The following CUX2 variants were observed in gnomAD, a reference collection of about 807,000 sequenced individuals.
CUX2 encodes cut like homeobox 2.
Under a neutral mutation model 144.8 loss-of-function variants are expected in CUX2, and 40 were observed. The ratio of observed to expected loss-of-function variants is 0.28; its 90% confidence interval spans 0.21 to 0.36. The LOEUF (loss-of-function observed/expected upper bound fraction) is 0.36, where lower values mean the gene tolerates loss of function less well. CUX2 is among the 10% of genes least tolerant of loss of function. The probability of loss-of-function intolerance (pLI) is 1.00; values close to 1 mark genes in which losing one functional copy is unlikely to be tolerated. For missense variants in CUX2, 1,615 were observed against 1,994.0 expected (o/e 0.81, Z 3.62); for synonymous variants, 827 against 875.6 (o/e 0.94, Z 0.98).
At position 111,074,365 on chromosome 12, in the gene CUX2, C is replaced by G. The variant is rs993498659; in HGVS notation, c.63+40125C>G. ...TCCCCAGGTGATTCAGAGCCAAAGACGTAGGGTAAACACCTGAGTAGAGTA... is the reference window on the plus strand; with the variant it reads ...TCCCCAGGTGATTCAGAGCCAAAGAGGTAGGGTAAACACCTGAGTAGAGTA... On this transcript the variant is annotated intron_variant, in intron 1 of 21. Transcript: ENST00000261726. 3.9e-5 allele frequency among the ~76,000 whole-genome samples: 6 copies of G among 152,168 alleles called. No individual in the cohort carries two copies. In the South Asian group the frequency reaches 1.0e-3, roughly 26 times the overall value.
chr12:111,319,167 A>G (rs1382957316), intron 16 of CUX2, among the ~76,000 whole-genome samples: 1 of 151,796 alleles, frequency 6.6e-6, no homozygotes, highest in African/African-American at 2.4e-5. Flanking sequence ...TACAAAAATT[A>G]GCTGAGCATG....
At chr12:111,342,090 G>A (rs1219970962) in intron 21 of CUX2, 37 bp downstream of exon 21, 14 of 1,575,136 alleles carry the variant, frequency 8.9e-6, no homozygotes, top group African/African-American at 1.3e-5. Context: ...GCGGGTGGCA[G>A]AATCCAGGTG....
chr12:111,103,103 G>GGTGAAGCTTTTTCTATT (rs769330966), intron 1 of CUX2, among the ~76,000 whole-genome samples: 1 of 152,156 alleles, frequency 6.6e-6, no homozygotes, highest in Non-Finnish European at 1.5e-5. Context: ...ATTGGATGGG[G>GGTGAAGCTTTTTCTATT]GTGAAGCTTT....
chr12:111,146,194 C>T (rs1174645619), intron 1 of CUX2, among the ~76,000 whole-genome samples: 1 of 152,224 alleles, frequency 6.6e-6, no homozygotes, highest in East Asian at 1.9e-4. Context: ...ACCTCATTAT[C>T]ACCCAGAGTC....
chr12:111,326,243 T>G (rs1262159013), intron 18 of CUX2, among the ~76,000 whole-genome samples: 5 of 14,408 alleles, frequency 3.5e-4, no homozygotes, highest in Non-Finnish European at 5.9e-4. Flanking sequence ...AGTGTTGTGG[T>G]GGGGGAGGGG....
At chr12:111,193,020 A>G (rs1442977133) in intron 1 of CUX2, among the ~76,000 whole-genome samples, 2 of 152,250 alleles carry the variant, frequency 1.3e-5, no homozygotes, top group Non-Finnish European at 1.5e-5. Context: ...AAGGGTCCCA[A>G]GACACAAAAG....
At chr12:111,209,120 G>A (rs1337980136) in intron 1 of CUX2, among the ~76,000 whole-genome samples, 3 of 152,164 alleles carry the variant, frequency 2.0e-5, no homozygotes, top group East Asian at 1.9e-4. Context: ...GAACGTGAAC[G>A]TTCTACATCT....
intron 4 of CUX2, among the ~76,000 whole-genome samples, chr12:111,288,705 G>T (rs144659968): frequency 3.0e-4 from 46 of 152,178 alleles, no homozygotes; most frequent in East Asian, 2.1e-3. Flanking sequence ...GCTCATGCCT[G>T]TAATCCCAGC....
chr12:111,184,460 AC>A (rs1879380599), intron 1 of CUX2, among the ~76,000 whole-genome samples: 1 of 151,938 alleles, frequency 6.6e-6, no homozygotes, highest in African/African-American at 2.4e-5. Flanking sequence ...ATATTCTGCA[AC>A]CATAAAGAGG....
At chr12:111,155,974 C>T (rs1461801305) in intron 1 of CUX2, among the ~76,000 whole-genome samples, 8 of 151,930 alleles carry the variant, frequency 5.3e-5, no homozygotes, top group African/African-American at 1.9e-4. Flanking sequence ...ACAAGCAAAC[C>T]CGCTCACAAG....
intron 1 of CUX2, among the ~76,000 whole-genome samples, chr12:111,111,566 G>T (rs1873960823): frequency 1.3e-5 from 2 of 152,156 alleles, no homozygotes; most frequent in Non-Finnish European, 2.9e-5. Context: ...AGAATCCTTT[G>T]GCAGTGATCT....
At chr12:111,102,895 G>T (rs572661362) in intron 1 of CUX2, among the ~76,000 whole-genome samples, 49 of 152,192 alleles carry the variant, frequency 3.2e-4, no homozygotes, top group African/African-American at 9.6e-4. Flanking sequence ...TATTACTATT[G>T]TTACTATCTT....
intron 1 of CUX2, among the ~76,000 whole-genome samples, chr12:111,120,726 G>A (rs1194543772): frequency 2.0e-5 from 3 of 151,688 alleles, no homozygotes; most frequent in Non-Finnish European, 2.9e-5. Context: ...CCCCTTCAAA[G>A]TTACCAGGCT....
chr12:111,196,216 T>G lies in CUX2; in HGVS notation c.64-17984T>G, dbSNP rs3886779. 6.9e-3 allele frequency among the ~76,000 whole-genome samples: 1,050 copies of G among 152,366 alleles called. 6 individuals are homozygous for G. The highest frequency in any genetic ancestry group is 0.015 in the South Asian group (73 of 4,834). ...TTGTTCTCTTGATTGCTAAATAATA[T>G]TCCATTGTATGGATAGACCACGTTT... On this transcript the variant is annotated intron_variant, in intron 1 of 21. Transcript: ENST00000261726.
intron 16 of CUX2, among the ~76,000 whole-genome samples, chr12:111,319,606 C>G (rs1485064875): frequency 6.6e-6 from 1 of 152,146 alleles, no homozygotes; most frequent in Non-Finnish European, 1.5e-5. Context: ...GTGGTGCACA[C>G]CTGTAATCCC....
chr12:111,043,172 C>A (rs1292029356), intron 1 of CUX2, among the ~76,000 whole-genome samples: 2 of 152,136 alleles, frequency 1.3e-5, no homozygotes, highest in Non-Finnish European at 2.9e-5. Context: ...TCTCTCAGAG[C>A]CCACAGGCCA....
At chr12:111,328,004 A>T (rs1159891854) in intron 18 of CUX2, among the ~76,000 whole-genome samples, 1 of 152,186 alleles carries the variant, frequency 6.6e-6, no homozygotes, top group Non-Finnish European at 1.5e-5. Context: ...TCAAGGCTGC[A>T]GTGAACTGGA....
chr12:111,300,541 C>T (rs749192549), intron 9 of CUX2, among the ~76,000 whole-genome samples: 10 of 152,204 alleles, frequency 6.6e-5, no homozygotes, highest in South Asian at 2.1e-4. Flanking sequence ...CTCTGTTTTA[C>T]GGCTGTGTGG....
At chr12:111,130,023 C>G (rs948265003) in intron 1 of CUX2, among the ~76,000 whole-genome samples, 6 of 152,210 alleles carry the variant, frequency 3.9e-5, no homozygotes, top group Non-Finnish European at 8.8e-5. Flanking sequence ...AATGTCAGTT[C>G]TGAGCCACTG....
Sources: gnomAD v4.1 joint callset for allele counts (sites outside exome capture counted in the v4.1 genomes callset) on GRCh38, gnomAD v4.1.1 for gene constraint, MANE v1.5 for transcripts, NCBI Gene and HGNC (gene_info 2026-07-23, HGNC 2026-07-21) for gene names.